The following FRMPD4 variants were observed in gnomAD, a reference collection of about 807,000 sequenced individuals.
FRMPD4 encodes the protein FERM and PDZ domain containing 4.
FRMPD4 carries 22 observed loss-of-function variants against 94.1 expected under a neutral mutation model. The ratio of observed to expected loss-of-function variants is 0.23; its 90% CI spans 0.17 to 0.33. The LOEUF is 0.33. FRMPD4 is among the 10% of genes least tolerant of loss of function. FRMPD4 has a pLI of 1.00. For synonymous variants in FRMPD4, 631 were observed against 548.6 expected, an observed-to-expected ratio of 1.15 and a Z score of -2.10; for missense variants, 1,111 against 1,339.9, an observed-to-expected ratio of 0.83 and a Z score of 2.67.
At chrX:11,946,211 A>G (rs2054188231) in intron 3 of FRMPD4, among the ~76,000 whole-genome samples, 1 of 111,289 alleles carries the variant, frequency 9.0e-6, no homozygotes, top group African/African-American at 3.3e-5. Context: ...CCATCATAGT[A>G]TAAATATTCA....
chrX:12,280,247 A>AAATAAT (rs374670611), intron 1 of FRMPD4, among the ~76,000 whole-genome samples: 1,708 of 102,203 alleles, frequency 0.017, 22 homozygotes, highest in African/African-American at 0.04. Context: ...GGCTGCTTTA[A>AAATAAT]AATAATAATA....
intron 1 of FRMPD4, among the ~76,000 whole-genome samples, chrX:12,452,736 G>A (rs1336518328): frequency 4.4e-5 from 5 of 112,366 alleles, no homozygotes; most frequent in African/African-American, 9.7e-5. Context: ...ACAGGTCCAT[G>A]ATTCAGTACC....
intron 1 of FRMPD4, among the ~76,000 whole-genome samples, chrX:12,287,527 G>A (rs2147870957): frequency 8.9e-6 from 1 of 111,734 alleles, no homozygotes; most frequent in East Asian, 2.8e-4. Flanking sequence ...TAGCAGTGGG[G>A]AACTAGTGGG....
chrX:12,111,022 C>A (rs1161191502), intron 3 of FRMPD4, among the ~76,000 whole-genome samples: 1 of 111,540 alleles, frequency 9.0e-6, no homozygotes, highest in Non-Finnish European at 1.9e-5. Flanking sequence ...TCAATGCCAT[C>A]CCCATCAAGC....
At chrX:12,327,795 G>C (rs776562943) in intron 1 of FRMPD4, among the ~76,000 whole-genome samples, 2 of 92,344 alleles carry the variant, frequency 2.2e-5, no homozygotes, top group East Asian at 7.0e-4. Context: ...TTTTCAGAGA[G>C]AAAAAAAAAA....
intron 1 of FRMPD4, among the ~76,000 whole-genome samples, chrX:12,440,603 T>C (rs5935341): frequency 0.25 from 27,548 of 110,029 alleles, 2,856 homozygotes; most frequent in Non-Finnish European, 0.32. Context: ...CTCTAGTAAT[T>C]GGCAATGCAG....
intron 14 of FRMPD4, among the ~76,000 whole-genome samples, chrX:12,711,461 T>C (rs1446804713): frequency 1.8e-5 from 2 of 111,892 alleles, no homozygotes; most frequent in Non-Finnish European, 3.8e-5. Context: ...GAAAAAAAGA[T>C]CCCCACAACG....
chrX:12,654,535 T>C (rs1429468601), intron 4 of FRMPD4, among the ~76,000 whole-genome samples: 3 of 112,160 alleles, frequency 2.7e-5, no homozygotes, highest in African/African-American at 9.7e-5. Flanking sequence ...TACTGATATA[T>C]GTATATATAT....
intron 2 of FRMPD4, among the ~76,000 whole-genome samples, chrX:12,576,444 C>T (rs2058812625): frequency 8.9e-6 from 1 of 112,722 alleles, no homozygotes; most frequent in Non-Finnish European, 1.9e-5. Context: ...AGGAGGCAGT[C>T]ATCTGTCCAG....
intron 3 of FRMPD4, among the ~76,000 whole-genome samples, chrX:11,978,230 G>A (rs1448899275): frequency 9.8e-6 from 1 of 102,210 alleles, no homozygotes; most frequent in Non-Finnish European, 2.0e-5. Context: ...GCTGAGGCAG[G>A]AGAATGGTGT....
At chrX:12,602,801 G>A (rs1343912454) in intron 2 of FRMPD4, among the ~76,000 whole-genome samples, 1 of 111,733 alleles carries the variant, frequency 8.9e-6, no homozygotes, top group Non-Finnish European at 1.9e-5. Flanking sequence ...ACCTTGAGAA[G>A]GCCTTCTTGT....
intron 1 of FRMPD4, among the ~76,000 whole-genome samples, chrX:12,144,808 A>G (rs1369022350): frequency 9.3e-6 from 1 of 107,841 alleles, no homozygotes; most frequent in Non-Finnish European, 1.9e-5. Context: ...TTGGTGATTG[A>G]TGGTTAAAAA....
In FRMPD4 at chrX:12,124,236, T is replaced by C. The variant is rs762443897; in HGVS notation, c.95+246218T>C. Among the ~76,000 whole-genome samples the C allele has an allele frequency of 3.6e-5, 4 of 112,611 alleles. No homozygotes were observed. The East Asian group carries it at 1.1e-3, about 31-fold the overall frequency. On this transcript the variant is annotated intron_variant, in intron 3 of 18. Coordinates refer to the FRMPD4 transcript ENST00000640291. The stretch of plus-strand genomic sequence containing the variant: ...AAGAGAAGGTTTGGTCCTGAGTTAA[T>C]TGCTAACAGAACATTCTGTACATAA...
At chrX:12,353,349 A>G (rs760677847) in intron 1 of FRMPD4, among the ~76,000 whole-genome samples, 20 of 112,120 alleles carry the variant, frequency 1.8e-4, no homozygotes, top group Middle Eastern at 4.6e-3. Context: ...GGATTGGCCC[A>G]TCTTAGCTCC....
intron 1 of FRMPD4, among the ~76,000 whole-genome samples, chrX:12,285,584 T>C (rs1237059565): frequency 9.0e-6 from 1 of 111,680 alleles, no homozygotes; most frequent in African/African-American, 3.3e-5. Context: ...GTGTTTCTTG[T>C]AGGCAGGGAT....
chrX:11,843,183 G>A (rs1301383508), intron 1 of FRMPD4, among the ~76,000 whole-genome samples: 1 of 111,635 alleles, frequency 9.0e-6, no homozygotes, highest in Non-Finnish European at 1.9e-5. Context: ...CTTTTTACAA[G>A]TTGCTGAATT....
chrX:11,978,557 G>A (rs2054380597), intron 3 of FRMPD4, among the ~76,000 whole-genome samples: 1 of 110,712 alleles, frequency 9.0e-6, no homozygotes, highest in Admixed American at 9.6e-5. Context: ...GTCTTAGAGG[G>A]GAAGAAAAAG....
chrX:12,124,224 G>A (rs1569162717), intron 3 of FRMPD4, among the ~76,000 whole-genome samples: 1 of 112,073 alleles, frequency 8.9e-6, no homozygotes, highest in Admixed American at 9.5e-5. Context: ...AGAAGGTTTG[G>A]TCCTGAGTTA....
intron 1 of FRMPD4, among the ~76,000 whole-genome samples, chrX:12,344,833 G>GGGGGA (rs1169324481): frequency 8.9e-6 from 1 of 111,733 alleles, no homozygotes; most frequent in African/African-American, 3.3e-5. Flanking sequence ...ATCTCCCGTG[G>GGGGGA]TCCACCATAG....
Sources: gnomAD v4.1 joint callset for allele counts (sites outside exome capture counted in the v4.1 genomes callset) on GRCh38, gnomAD v4.1.1 for gene constraint, MANE v1.5 for transcripts, NCBI Gene and HGNC (gene_info 2026-07-23, HGNC 2026-07-21) for gene names.